PTPRQ: variants seen among roughly 807,000 people sequenced by gnomAD.
PTPRQ encodes protein tyrosine phosphatase receptor type Q.
In PTPRQ, 199 loss-of-function variants were observed where a neutral mutation model predicts 246.0. That is an observed-to-expected ratio of 0.81 (90% CI 0.72 to 0.91). PTPRQ has a LOEUF of 0.91. PTPRQ is among the 40% of genes least tolerant of loss of function. PTPRQ has a pLI of 0.00. For synonymous variants in PTPRQ, 869 were observed against 853.2 expected, an observed-to-expected ratio of 1.02 and a Z score of -0.32; for missense variants, 2,624 against 2,528.4, an observed-to-expected ratio of 1.04 and a Z score of -0.81.
At chr12:80,594,763 CT>C (rs140632217) in intron 26 of PTPRQ, among the ~76,000 whole-genome samples, 3,425 of 152,174 alleles carry the variant, frequency 0.023, 133 homozygotes, top group South Asian at 0.066. Context: ...TTCTAAATAT[CT>C]CTTGTATTTG....
intron 25 of PTPRQ, among the ~76,000 whole-genome samples, chr12:80,554,120 G>A (rs73150734): frequency 0.23 from 34,568 of 151,716 alleles, 4,571 homozygotes; most frequent in African/African-American, 0.37. Flanking sequence ...ATACAAAAAC[G>A]CAGGTAGAAT....
intron 6 of PTPRQ, among the ~76,000 whole-genome samples, chr12:80,467,150 C>T (rs1304215041): frequency 6.6e-6 from 1 of 151,428 alleles, no homozygotes; most frequent in African/African-American, 2.4e-5. Context: ...TGAACTCAAA[C>T]AAATTTACAA....
chr12:80,449,873 C>A (rs1273963649), intron 3 of PTPRQ, among the ~76,000 whole-genome samples: 2 of 151,856 alleles, frequency 1.3e-5, no homozygotes, highest in African/African-American at 4.8e-5. Context: ...TTTTTTGGTT[C>A]CATATGAACT....
chr12:80,655,941 C>G (rs1364127913), intron 38 of PTPRQ, among the ~76,000 whole-genome samples: 3 of 152,164 alleles, frequency 2.0e-5, no homozygotes, highest in Admixed American at 1.3e-4. Context: ...CAAATACTTG[C>G]AGAAGAGATT....
intron 9 of PTPRQ, among the ~76,000 whole-genome samples, chr12:80,489,852 A>G (rs998982638): frequency 3.3e-5 from 5 of 152,030 alleles, no homozygotes; most frequent in African/African-American, 4.8e-5. Context: ...TACTTGTTCA[A>G]TTAGAAACCT....
At chr12:80,488,200 C>T (rs1460551658) in intron 9 of PTPRQ, among the ~76,000 whole-genome samples, 1 of 150,770 alleles carries the variant, frequency 6.6e-6, no homozygotes, top group African/African-American at 2.4e-5. Flanking sequence ...ACATGTTATT[C>T]CTTTTGCCTT....
intron 17 of PTPRQ, among the ~76,000 whole-genome samples, chr12:80,523,490 T>C (rs1244264414): frequency 6.6e-6 from 1 of 152,232 alleles, no homozygotes; most frequent in Admixed American, 6.5e-5. Context: ...CTGCTTTCTC[T>C]TGTGGGCATT....
At chr12:80,503,761 C>T (rs1389605654) in intron 14 of PTPRQ, among the ~76,000 whole-genome samples, 2 of 151,730 alleles carry the variant, frequency 1.3e-5, no homozygotes, top group Non-Finnish European at 3.0e-5. Context: ...AAATAGTTTT[C>T]TACCTAAAGT....
chr12:80,593,362 C>G (rs1456101619), intron 26 of PTPRQ, among the ~76,000 whole-genome samples: 1 of 152,104 alleles, frequency 6.6e-6, no homozygotes, highest in Non-Finnish European at 1.5e-5. Flanking sequence ...CATTAACTAT[C>G]TGAGCCCATA....
chr12:80,603,066 G>A lies in PTPRQ; in HGVS notation c.4610-1993G>A, dbSNP rs547953914. On this transcript the variant is annotated intron_variant, in intron 26 of 44. Coordinates refer to ENST00000644991, the MANE Select transcript of PTPRQ (RefSeq NM_001145026.2). ...AGTGTATGTTCCTGAATGTGCTGTT[G>A]TGAACTGCCAAAATTCACTAATATT... Among the ~76,000 whole-genome samples the A allele has an allele frequency of 7.1e-4, 108 of 151,726 alleles. 1 individual carries two copies. Among genetic ancestry groups the A allele is most frequent in the African/African-American group, 2.5e-3 (103 of 41,464 alleles).
chr12:80,538,000 T>C (rs1896039603), intron 19 of PTPRQ, among the ~76,000 whole-genome samples: 1 of 151,978 alleles, frequency 6.6e-6, no homozygotes, highest in Non-Finnish European at 1.5e-5. Flanking sequence ...TCCCAGGTAC[T>C]CAGGAGGCTG....
intron 26 of PTPRQ, among the ~76,000 whole-genome samples, chr12:80,596,108 G>A (rs1897962814): frequency 6.6e-6 from 1 of 151,952 alleles, no homozygotes; most frequent in African/African-American, 2.4e-5. Flanking sequence ...AGTTATAATA[G>A]ATTGATGGTC....
At chr12:80,459,235 C>A in intron 4 of PTPRQ, 49 bp from the exon 5 acceptor site, 1 of 397,824 alleles carries the variant, frequency 2.5e-6, no homozygotes, top group South Asian at 1.3e-4. Context: ...AAATGCAATT[C>A]TAAGTTTTAT....
chr12:80,461,313 T>A (rs1354421711), intron 6 of PTPRQ, among the ~76,000 whole-genome samples: 1 of 152,214 alleles, frequency 6.6e-6, no homozygotes, highest in Non-Finnish European at 1.5e-5. Context: ...AGTTATCAGA[T>A]ACAAGCAGTA....
chr12:80,654,426 T>C (rs1308826731), intron 38 of PTPRQ, among the ~76,000 whole-genome samples: 1 of 152,216 alleles, frequency 6.6e-6, no homozygotes, highest in Non-Finnish European at 1.5e-5. Context: ...CATGTCTTTA[T>C]ATTTATCTGC....
At chr12:80,565,622 C>G (rs544306852) in intron 25 of PTPRQ, among the ~76,000 whole-genome samples, 1 of 152,028 alleles carries the variant, frequency 6.6e-6, no homozygotes, top group Non-Finnish European at 1.5e-5. Flanking sequence ...TGTTGTTTGT[C>G]TGAGATTATA....
intron 37 of PTPRQ, among the ~76,000 whole-genome samples, chr12:80,652,263 G>A (rs200872228): frequency 1.5e-4 from 23 of 151,954 alleles, no homozygotes; most frequent in Admixed American, 4.6e-4. Flanking sequence ...TATTGATTTA[G>A]CAATGCTTAT....
Position 80,484,598 on chromosome 12 carries a change from A to G in PTPRQ, c.1352A>G (p.Asn451Ser), listed in dbSNP as rs1023684712. ...IILENTLLTGNNEYINDPMAP... is the reference protein window; with the variant it reads ...IILENTLLTGSNEYINDPMAP... ...TTGGAAAATACTTTGCTCACTGGAA[A>G]TAATGAGGTATTGCATTTTTATTTC... Residue 451 changes from asparagine to serine, a missense_variant, in exon 9 of 45, where the codon AAT becomes AGT. Physicochemically the swap from Asn to Ser is conservative, Grantham distance 46 (BLOSUM62 1). Transcript: ENST00000644991. 3.2e-5 allele frequency: 50 copies of G among 1,550,222 alleles called. No homozygotes were observed. The highest frequency in any genetic ancestry group is 4.4e-5 in the Non-Finnish European group (50 of 1,146,582).
At chr12:80,468,602 C>G in intron 6 of PTPRQ, 108 bp from the exon 7 acceptor site, 1 of 1,161,008 alleles carries the variant, frequency 8.6e-7, no homozygotes, top group Non-Finnish European at 1.1e-6. Context: ...CTTTTAAGCG[C>G]GATATTTTAT....
Sources: gnomAD v4.1 joint callset for allele counts (sites outside exome capture counted in the v4.1 genomes callset) on GRCh38, gnomAD v4.1.1 for gene constraint, MANE v1.5 for transcripts, NCBI Gene and HGNC (gene_info 2026-07-23, HGNC 2026-07-21) for gene names.